The following ASAP3 variants were observed in gnomAD, a reference collection of about 807,000 sequenced individuals.
The protein encoded by ASAP3 is arf-GAP with SH3 domain, ANK repeat and PH domain-containing protein 3.
A neutral mutation model predicts 118.2 loss-of-function variants in ASAP3; 85 were observed. The observed-to-expected ratio is 0.72, with a 90% confidence interval of 0.60 to 0.86. The LOEUF (loss-of-function observed/expected upper bound fraction) is 0.86. ASAP3 is among the 40% of genes least tolerant of loss of function. ASAP3 has a pLI of 0.00. For missense variants in ASAP3, 1,026 were observed against 1,175.0 expected (o/e 0.87, Z 1.85); for synonymous variants, 432 against 477.4 (o/e 0.90, Z 1.24).
chr1:23,431,104 A>G lies in ASAP3; in HGVS notation c.2568T>C (p.Tyr856=). 6.3e-7 allele frequency: 1 copy of G among 1,592,514 alleles called. No individual in the cohort carries two copies. The highest frequency in any genetic ancestry group is 8.5e-7 in the Non-Finnish European group (1 of 1,170,220). Residue 856 remains tyrosine (Y), a synonymous_variant, in exon 24 of 25, where the codon TAT becomes TAC. Transcript: ENST00000336689. The part of the protein sequence containing the change: ...VRFSSESTRS[Y]RRGARSPEDG... The stretch of plus-strand genomic sequence containing the variant: ...CTTCAGGGCTCCGCGCCCCCCGCCG[A>G]TAGGAGCGAGTGCTCTCGGAGCTGG...
At chr1:23,454,545 C>A (rs1641324177) in intron 3 of ASAP3, among the ~76,000 whole-genome samples, 1 of 151,528 alleles carries the variant, frequency 6.6e-6, no homozygotes. Context: ...TCTAGAGCTT[C>A]TGGGCTCAAG....
intron 1 of ASAP3, among the ~76,000 whole-genome samples, chr1:23,467,350 G>A (rs942336427): frequency 8.5e-5 from 13 of 152,068 alleles, no homozygotes; most frequent in African/African-American, 2.4e-4. Context: ...CTACAGGCGT[G>A]AGCCACCACG....
At chr1:23,434,020 TG>T (rs1314592390) in intron 19 of ASAP3, among the ~76,000 whole-genome samples, 4 of 152,260 alleles carry the variant, frequency 2.6e-5, no homozygotes, top group Admixed American at 6.5e-5. Flanking sequence ...AATATTTATT[TG>T]CCTAAGTACT....
chr1:23,457,833 G>A (rs1266433460), intron 1 of ASAP3, among the ~76,000 whole-genome samples: 1 of 152,192 alleles, frequency 6.6e-6, no homozygotes, highest in Non-Finnish European at 1.5e-5. Context: ...TATTCTTTCT[G>A]AGCTTCCTGA....
Position 23,433,672 on chromosome 1 carries a change from G to C in ASAP3, c.1973C>G (p.Ala658Gly). 6.2e-7 allele frequency: 1 copy of C among 1,614,236 alleles called. No homozygotes were observed. Residue 658 changes from alanine to glycine, a missense_variant, in exon 20 of 25, where the codon GCT becomes GGT. Coordinates refer to ENST00000336689, the MANE Select transcript of ASAP3 (RefSeq NM_017707.4). Reference sequence around the variant, plus strand: ...GTGCTTCTTCCTGGCTATGTCCAGAGCTGTCTCGCCTGCTTCATTTACTGT... The same window carrying C: ...GTGCTTCTTCCTGGCTATGTCCAGACCTGTCTCGCCTGCTTCATTTACTGT... ...VGTVNEAGET[A>G]LDIARKKHHK... is the part of the protein sequence containing the mutation.
chr1:23,469,091 GC>G (rs1327234833), intron 1 of ASAP3, among the ~76,000 whole-genome samples: 1 of 151,996 alleles, frequency 6.6e-6, no homozygotes, highest in Non-Finnish European at 1.5e-5. Flanking sequence ...GATTGCTTGA[GC>G]CCAGAAGTTT....
At chr1:23,441,036 T>TCCGC (rs1289018907) in intron 10 of ASAP3, 66 bp downstream of exon 10, 1 of 1,462,690 alleles carries the variant, frequency 6.8e-7, no homozygotes, top group African/African-American at 1.4e-5. Flanking sequence ...TTGGGCAGCT[T>TCCGC]CCCCAACCCT....
In ASAP3 at chr1:23,437,315, A is replaced by G. The variant is rs899616384; in HGVS notation, c.1157T>C (p.Val386Ala). 1 of 1,609,886 alleles carries G rather than the reference A, an allele frequency of 6.2e-7. No individual in the cohort carries two copies. Among genetic ancestry groups the G allele is most frequent in the Non-Finnish European group, 8.5e-7 (1 of 1,177,836 alleles). Residue 386 changes from valine (V) to alanine (A), a missense_variant, in exon 14 of 25, where the codon GTG becomes GCG. Val to Ala is a moderately conservative substitution (Grantham distance 64, BLOSUM62 0). Transcript: ENST00000336689. This position sits in a 1 kb window ranked among gnomAD's most constrained non-coding sequence, Gnocchi z 6.1. ...AEDEHECEAW[V>A]SVLQNSKDEA... The stretch of plus-strand genomic sequence containing the variant: ...GTCCTTGCTGTTCTGCAACACTGAC[A>G]CCCACCTGCGGAGATTGAACGGGGT...
chr1:23,435,722 C>T, intron 17 of ASAP3, 129 bp downstream of exon 17: 2 of 1,104,330 alleles, frequency 1.8e-6, no homozygotes, highest in South Asian at 2.6e-5. Flanking sequence ...TTCCCACTTA[C>T]CACTCTGATG....
rs145508252 is a variant in ASAP3, at chr1:23,469,959, AT to A, written c.130-13766del. The stretch of plus-strand genomic sequence containing the variant: ...ATTGCTGTGAAAAGAAATTGAGGTA[AT>A]GTTTTTTCTAATGGTGGAAGCCAGG... On this transcript the variant is annotated intron_variant, in intron 1 of 24. Coordinates refer to ENST00000336689, the MANE Select transcript of ASAP3 (RefSeq NM_017707.4). Among the ~76,000 whole-genome samples the A allele has an allele frequency of 7.5e-3, 1,147 of 152,268 alleles. 19 individuals carry two copies. The highest frequency in any genetic ancestry group is 0.026 in the African/African-American group (1,095 of 41,526).
At chr1:23,445,044 A>T (rs909431975) in intron 5 of ASAP3, among the ~76,000 whole-genome samples, 1 of 150,366 alleles carries the variant, frequency 6.7e-6, no homozygotes, top group Non-Finnish European at 1.5e-5. Context: ...AAGAGTTTGT[A>T]AAGAGTGGTA....
intron 3 of ASAP3, among the ~76,000 whole-genome samples, chr1:23,453,941 C>A (rs1010526354): frequency 4.5e-4 from 69 of 152,140 alleles, no homozygotes; most frequent in African/African-American, 1.4e-3. Context: ...AGACAGCAGA[C>A]CCCCAGGAAA....
intron 1 of ASAP3, among the ~76,000 whole-genome samples, chr1:23,470,827 G>A (rs1641939944): frequency 6.6e-6 from 1 of 152,226 alleles, no homozygotes; most frequent in Non-Finnish European, 1.5e-5. Context: ...GTTGCAAGAA[G>A]GGAGCCACAC....
chr1:23,451,585 A>G, intron 4 of ASAP3, 57 bp from the exon 5 acceptor site: 1 of 1,571,530 alleles, frequency 6.4e-7, no homozygotes, highest in Non-Finnish European at 8.8e-7. Context: ...TGGAATAAAC[A>G]GTATGCTCTG....
chr1:23,446,924 G>A (rs1570358893), intron 5 of ASAP3, among the ~76,000 whole-genome samples: 1 of 152,170 alleles, frequency 6.6e-6, no homozygotes, highest in Non-Finnish European at 1.5e-5. Flanking sequence ...ACGGATAGCA[G>A]GGTGGGGGAG....
chr1:23,441,639 G>A lies in ASAP3; in HGVS notation c.747+16C>T. The A allele has an allele frequency of 6.2e-7, 1 of 1,614,014 alleles. No homozygotes were observed. The highest frequency in any genetic ancestry group is 8.5e-7 in the Non-Finnish European group (1 of 1,179,876). Reference sequence around the variant, plus strand: ...AGGGGGCTTGATCACGTGCCCAAGGGTGAGACCCAACTTACTGCATGTACT... The same window carrying A: ...AGGGGGCTTGATCACGTGCCCAAGGATGAGACCCAACTTACTGCATGTACT... On this transcript the variant is annotated intron_variant, in intron 8 of 24. Coordinates refer to ENST00000336689, the MANE Select transcript of ASAP3 (RefSeq NM_017707.4).
chr1:23,465,918 G>C (rs557159428), intron 1 of ASAP3, among the ~76,000 whole-genome samples: 1 of 152,262 alleles, frequency 6.6e-6, no homozygotes, highest in East Asian at 1.9e-4. Flanking sequence ...GACTGGATCT[G>C]CCTCCAAACC....
intron 8 of ASAP3, 32 bp downstream of exon 8, chr1:23,441,623 G>T: frequency 6.2e-7 from 1 of 1,612,790 alleles, no homozygotes. Flanking sequence ...CAGGGGGCTT[G>T]ATCACGTGCC....
At chr1:23,481,046 C>T (rs1041240991) in intron 1 of ASAP3, among the ~76,000 whole-genome samples, 9 of 152,092 alleles carry the variant, frequency 5.9e-5, no homozygotes, top group African/African-American at 1.2e-4. Context: ...AGAACAGGAC[C>T]GGGGGTAGAA....
Sources: gnomAD v4.1 joint callset for allele counts (sites outside exome capture counted in the v4.1 genomes callset) on GRCh38, gnomAD v4.1.1 for gene constraint, Gnocchi (gnomAD v3.1) non-coding constraint, MANE v1.5 for transcripts, NCBI Gene and HGNC (gene_info 2026-07-23, HGNC 2026-07-21) for gene names.